SAMD12: variants seen among roughly 807,000 people sequenced by gnomAD.
SAMD12 encodes sterile alpha motif domain-containing protein 12.
A neutral mutation model predicts 15.0 loss-of-function variants in SAMD12; 9 were observed. The ratio of observed to expected loss-of-function variants is 0.60; its 90% CI spans 0.36 to 1.05. The LOEUF is 1.05. SAMD12 is among the 50% of genes least tolerant of loss of function. The probability of loss-of-function intolerance (pLI) is 0.01; values close to 1 mark genes in which losing one functional copy is unlikely to be tolerated. For synonymous variants in SAMD12, 86 were observed against 90.1 expected, an observed-to-expected ratio of 0.96 and a Z score of 0.25; for missense variants, 230 against 234.2, an observed-to-expected ratio of 0.98 and a Z score of 0.12.
chr8:118,493,434 T>A (rs367840156), intron 2 of SAMD12, among the ~76,000 whole-genome samples: 2 of 152,160 alleles, frequency 1.3e-5, no homozygotes, highest in African/African-American at 4.8e-5. Flanking sequence ...CAGGTCCTCA[T>A]AAATTAAAGG....
intron 2 of SAMD12, among the ~76,000 whole-genome samples, chr8:118,444,695 A>T (rs1346585478): frequency 6.6e-6 from 1 of 152,254 alleles, no homozygotes; most frequent in African/African-American, 2.4e-5. Context: ...TCTGCTAAGT[A>T]ACAGAATAAT....
intron 1 of SAMD12, among the ~76,000 whole-genome samples, chr8:118,619,603 T>C (rs1828340162): frequency 1.3e-5 from 2 of 152,126 alleles, no homozygotes; most frequent in South Asian, 4.1e-4. Context: ...TCCATGAATA[T>C]ATTTGCCATG....
chr8:118,593,103 G>C (rs982730273), intron 1 of SAMD12, among the ~76,000 whole-genome samples: 3 of 152,064 alleles, frequency 2.0e-5, no homozygotes, highest in African/African-American at 7.2e-5. Flanking sequence ...TGTTGCACTT[G>C]ATCTTCACAA....
At chr8:118,180,626 G>C in the SAMD12 span, among the ~76,000 whole-genome samples, 1 of 152,066 alleles carries the variant, frequency 6.6e-6, no homozygotes, top group Non-Finnish European at 1.5e-5. Context: ...AGGTTGGAGT[G>C]CAGTGGTGTG....
intron 1 of SAMD12, among the ~76,000 whole-genome samples, chr8:118,609,092 TG>T (rs1359743292): frequency 1.3e-5 from 2 of 152,246 alleles, no homozygotes; most frequent in African/African-American, 4.8e-5. Flanking sequence ...TTTCAAAGTA[TG>T]TATACATACA....
At chr8:118,485,914 G>T (rs1243975500) in intron 2 of SAMD12, among the ~76,000 whole-genome samples, 1 of 152,288 alleles carries the variant, frequency 6.6e-6, no homozygotes, top group East Asian at 1.9e-4. Flanking sequence ...ATCAGTCAGG[G>T]TCCTGGCAGG....
chr8:118,250,233 T>C (rs1812789183), intron 4 of SAMD12, among the ~76,000 whole-genome samples: 1 of 152,120 alleles, frequency 6.6e-6, no homozygotes, highest in African/African-American at 2.4e-5. Flanking sequence ...TAAGACGTCC[T>C]GTGTTTGAAT....
intron 3 of SAMD12, among the ~76,000 whole-genome samples, chr8:118,407,900 C>CTACT (rs1057052688): frequency 1.3e-5 from 2 of 152,094 alleles, no homozygotes; most frequent in African/African-American, 2.4e-5. Context: ...ACAAATGAAC[C>CTACT]TACTATCTTA....
At chr8:118,338,328 AAGAT>A (rs1817183126) in intron 4 of SAMD12, among the ~76,000 whole-genome samples, 1 of 152,256 alleles carries the variant, frequency 6.6e-6, no homozygotes, top group Non-Finnish European at 1.5e-5. Flanking sequence ...GTCAGTACAT[AAGAT>A]GTGCAAGTTA....
chr8:118,562,864 T>G (rs1826747143), intron 2 of SAMD12, among the ~76,000 whole-genome samples: 1 of 152,022 alleles, frequency 6.6e-6, no homozygotes, highest in Non-Finnish European at 1.5e-5. Context: ...ACCTGTCCAC[T>G]GGGAGGACCC....
chr8:118,520,600 C>T (rs912691624), intron 2 of SAMD12, among the ~76,000 whole-genome samples: 8 of 152,110 alleles, frequency 5.3e-5, no homozygotes, highest in African/African-American at 1.9e-4. Context: ...GATACAGGCT[C>T]TCAATGGCAG....
chr8:118,212,256 T>C (rs1811851695), intron 4 of SAMD12, among the ~76,000 whole-genome samples: 1 of 151,992 alleles, frequency 6.6e-6, no homozygotes, highest in Admixed American at 6.6e-5. Flanking sequence ...TGCCTCAGCC[T>C]CCCAAGTGGC....
chr8:118,583,896 G>A (rs1827357684), intron 1 of SAMD12, among the ~76,000 whole-genome samples: 1 of 152,178 alleles, frequency 6.6e-6, no homozygotes, highest in African/African-American at 2.4e-5. Flanking sequence ...GCTCCTGGAA[G>A]GCAGGTACCA....
At chr8:118,358,013 T>C (rs771229776) in intron 4 of SAMD12, among the ~76,000 whole-genome samples, 4 of 152,102 alleles carry the variant, frequency 2.6e-5, no homozygotes, top group Non-Finnish European at 4.4e-5. Flanking sequence ...GGTGTGGTGG[T>C]GCACACCTCT....
At chr8:118,469,756 C>A (rs1222574357) in intron 2 of SAMD12, among the ~76,000 whole-genome samples, 2 of 149,032 alleles carry the variant, frequency 1.3e-5, no homozygotes, top group African/African-American at 2.5e-5. Flanking sequence ...AGAGACAGGG[C>A]TTCGCCATGT....
At chr8:118,550,617 CAACT>C (rs1490726478) in intron 2 of SAMD12, among the ~76,000 whole-genome samples, 2 of 152,160 alleles carry the variant, frequency 1.3e-5, no homozygotes, top group African/African-American at 4.8e-5. Context: ...GAAACTACAT[CAACT>C]AACGAGCAAA....
intron 4 of SAMD12, among the ~76,000 whole-genome samples, chr8:118,217,464 G>C (rs1811990853): frequency 6.6e-6 from 1 of 152,192 alleles, no homozygotes; most frequent in East Asian, 1.9e-4. Context: ...CTGGGTAAGG[G>C]AGTTTTTGTC....
chr8:118,257,841 G>A (rs777351506), intron 4 of SAMD12, among the ~76,000 whole-genome samples: 9 of 152,034 alleles, frequency 5.9e-5, no homozygotes, highest in South Asian at 2.1e-4. Flanking sequence ...TTCTTCTCCC[G>A]ATGTTCAGTC....
At chr8:118,208,746 C>A (rs1819936739) in intron 4 of SAMD12, among the ~76,000 whole-genome samples, 1 of 151,994 alleles carries the variant, frequency 6.6e-6, no homozygotes, top group Non-Finnish European at 1.5e-5. Context: ...TGGTGGCTAC[C>A]ATATTTGACA....
Sources: gnomAD v4.1 joint callset for allele counts (sites outside exome capture counted in the v4.1 genomes callset) on GRCh38, gnomAD v4.1.1 for gene constraint, MANE v1.5 for transcripts, NCBI Gene and HGNC (gene_info 2026-07-23, HGNC 2026-07-21) for gene names.